Variants in BCL11B observed in about 807,000 individuals in gnomAD.
The protein encoded by BCL11B is BCL11 transcription factor B.
A neutral mutation model predicts 49.9 loss-of-function variants in BCL11B; 8 were observed. That is an observed-to-expected ratio of 0.16 (90% CI 0.09 to 0.29). The LOEUF is 0.29. Among genes scored for constraint, BCL11B ranks in the 10% least tolerant of loss-of-function variants. The pLI is 1.00. For synonymous variants in BCL11B, 739 were observed against 637.4 expected (o/e 1.16, Z -2.40); for missense variants, 1,006 against 1,351.0 (o/e 0.74, Z 4.00).
At chr14:99,178,212 C>G (rs910291647) in intron 3 of BCL11B, among the ~76,000 whole-genome samples, 1 of 152,190 alleles carries the variant, frequency 6.6e-6, no homozygotes, top group Non-Finnish European at 1.5e-5. Context: ...CTCTCCTATT[C>G]TGTGTGTTTG....
chr14:99,270,430 T>G (rs1279122327), intron 1 of BCL11B, among the ~76,000 whole-genome samples: 22 of 82,712 alleles, frequency 2.7e-4, no homozygotes, highest in East Asian at 1.1e-3. Flanking sequence ...TTTTTTGAAG[T>G]GGGGGAAAGA....
At chr14:99,244,707 C>T (rs1888773951) in intron 2 of BCL11B, among the ~76,000 whole-genome samples, 1 of 152,190 alleles carries the variant, frequency 6.6e-6, no homozygotes, top group Admixed American at 6.5e-5. Flanking sequence ...AATAAATTGA[C>T]AAATGCCTTC....
intron 3 of BCL11B, among the ~76,000 whole-genome samples, chr14:99,188,830 G>C (rs1341280083): frequency 6.6e-6 from 1 of 152,252 alleles, no homozygotes; most frequent in Non-Finnish European, 1.5e-5. Flanking sequence ...CTGGAGCCCA[G>C]GTGCCCGCCT....
chr14:99,193,165 G>A (rs540416976), intron 3 of BCL11B, among the ~76,000 whole-genome samples: 1 of 152,158 alleles, frequency 6.6e-6, no homozygotes, highest in Admixed American at 6.5e-5. Context: ...ATCAAGAAAC[G>A]TAGTGATTTC....
rs142708658 is a variant in BCL11B at position 99,174,265 on chromosome 14, G to A, written c.2571C>T (p.Asp857=). 5 of 1,613,700 alleles carry A rather than the reference G, an allele frequency of 3.1e-6. No individual in the cohort carries two copies. In the African/African-American group the frequency reaches 6.7e-5, roughly 22 times the overall value. ...AGACGCTGAAGGGCATCTGGCAGATGTCGCAGCGGTACACCTCCTTGCCGA... is the reference window on the plus strand; with the variant it reads ...AGACGCTGAAGGGCATCTGGCAGATATCGCAGCGGTACACCTCCTTGCCGA... The part of the protein sequence containing the change: ...GQIGKEVYRC[D]ICQMPFSVYS... Residue 857 remains aspartate, a synonymous_variant, in exon 4 of 4, where the codon GAC becomes GAT. Coordinates refer to ENST00000357195, the MANE Select transcript of BCL11B (RefSeq NM_138576.4).
At chr14:99,178,974 A>G (rs1333067875) in intron 3 of BCL11B, among the ~76,000 whole-genome samples, 2 of 152,050 alleles carry the variant, frequency 1.3e-5, no homozygotes, top group African/African-American at 2.4e-5. Context: ...GTGGCCACAG[A>G]TTTTCTAGAA....
At chr14:99,217,906 C>T (rs1166888479) in intron 3 of BCL11B, among the ~76,000 whole-genome samples, 1 of 152,158 alleles carries the variant, frequency 6.6e-6, no homozygotes, top group Non-Finnish European at 1.5e-5. Context: ...TGCACCATGT[C>T]TTAAAAGATG....
intron 3 of BCL11B, among the ~76,000 whole-genome samples, chr14:99,221,907 C>T (rs374806975): frequency 6.6e-6 from 1 of 152,166 alleles, no homozygotes; most frequent in African/African-American, 2.4e-5. Context: ...GTATGACCAG[C>T]GTATGAAGGA....
chr14:99,263,574 TG>T (rs892859285), intron 1 of BCL11B, among the ~76,000 whole-genome samples: 22 of 152,332 alleles, frequency 1.4e-4, no homozygotes, highest in African/African-American at 5.1e-4. Context: ...GTCGAATGTT[TG>T]GGGAGGGTCT....
chr14:99,207,419 G>A (rs1887563676), intron 3 of BCL11B, among the ~76,000 whole-genome samples: 1 of 152,052 alleles, frequency 6.6e-6, no homozygotes, highest in Admixed American at 6.5e-5. Context: ...TGAGACCTTG[G>A]GACCAGAAAA....
At chr14:99,265,609 C>T (rs552907431) in intron 1 of BCL11B, among the ~76,000 whole-genome samples, 15 of 152,338 alleles carry the variant, frequency 9.8e-5, no homozygotes, top group Non-Finnish European at 2.2e-4. Context: ...AGCTCAGAGA[C>T]CACCGTCCGG....
In BCL11B at chr14:99,184,921, A is replaced by C. The variant is rs2139781915; in HGVS notation, c.641-8726T>G. On this transcript the variant is annotated intron_variant, in intron 3 of 3. Transcript: ENST00000357195. The surrounding 1 kb of genome is among the most constrained non-coding windows in gnomAD (Gnocchi z 6.1). ...GGACTTAATTCAGGCTTTGAGAAAA[A>C]CCTTAGGAAGCTGGGCCTACACCCC... is the stretch of plus-strand genomic sequence containing the variant. 6.6e-6 allele frequency among the ~76,000 whole-genome samples: 1 copy of C among 152,184 alleles called. No homozygotes were observed. The highest frequency in any genetic ancestry group is 1.9e-4 in the East Asian group (1 of 5,162).
At position 99,225,057 on chromosome 14, in the gene BCL11B, G is replaced by T. The variant is rs117492526; in HGVS notation, c.640+6288C>A. Among the ~76,000 whole-genome samples, 917 of 152,244 alleles carry T rather than the reference G, an allele frequency of 6.0e-3. 9 individuals are homozygous for T. Among genetic ancestry groups the T allele is most frequent in the South Asian group, 0.025 (122 of 4,834 alleles). The stretch of plus-strand genomic sequence containing the variant: ...CAACGTGGGGCTCCTCAACATCAGA[G>T]CTCTACCTGCTACCAATCTCATTGC... On this transcript the variant is annotated intron_variant, in intron 3 of 3. Coordinates refer to ENST00000357195, the MANE Select transcript of BCL11B (RefSeq NM_138576.4).
chr14:99,217,697 C>T (rs1887893871), intron 3 of BCL11B, among the ~76,000 whole-genome samples: 1 of 152,174 alleles, frequency 6.6e-6, no homozygotes, highest in South Asian at 2.1e-4. Flanking sequence ...CCCCAGGCTC[C>T]AGCACCTACA....
At chr14:99,233,743 C>T (rs4082793) in intron 2 of BCL11B, among the ~76,000 whole-genome samples, 45,787 of 152,074 alleles carry the variant, frequency 0.3, 8,371 homozygotes, top group Non-Finnish European at 0.42. Context: ...TCTGTAAAGG[C>T]GATGTCACAC....
intron 2 of BCL11B, among the ~76,000 whole-genome samples, chr14:99,234,605 G>C (rs1180179104): frequency 4.6e-5 from 7 of 152,136 alleles, no homozygotes; most frequent in African/African-American, 1.7e-4. Flanking sequence ...CAGAGCCTCA[G>C]CTCCCTCAAC....
intron 3 of BCL11B, among the ~76,000 whole-genome samples, chr14:99,201,142 T>C (rs1186646527): frequency 1.3e-5 from 2 of 152,192 alleles, no homozygotes; most frequent in Non-Finnish European, 2.9e-5. Flanking sequence ...AAGTGGGCAG[T>C]AGCCCGTGCA....
chr14:99,222,500 G>A (rs1027440571), intron 3 of BCL11B, among the ~76,000 whole-genome samples: 8 of 152,146 alleles, frequency 5.3e-5, no homozygotes, highest in Non-Finnish European at 8.8e-5. Flanking sequence ...GGCTGGCGTG[G>A]GACCACATGC....
At position 99,174,990 on chromosome 14, in the gene BCL11B, C is replaced by T. The variant is rs1302496331; in HGVS notation, c.1846G>A (p.Asp616Asn). 2.5e-6 allele frequency: 4 copies of T among 1,577,914 alleles called. No homozygotes were observed. Among genetic ancestry groups the T allele is most frequent in the African/African-American group, 2.8e-5 (2 of 72,316 alleles). ...ALPQYGELLA[D>N]KQKRGAFLKR... is the part of the protein sequence containing the mutation. ...AGGAAGGCGCCGCGCTTCTGCTTGT[C>T]GGCCAGGAGCTCGCCGTACTGCGGC... The change falls in exon 4 of 4, where the codon GAC (aspartate) becomes AAC (asparagine). Residue 616 changes from aspartate to asparagine, a missense_variant. Coordinates refer to ENST00000357195, the MANE Select transcript of BCL11B (RefSeq NM_138576.4).
Sources: allele counts gnomAD v4.1 joint callset (sites outside exome capture counted in the v4.1 genomes callset), GRCh38; gene constraint gnomAD v4.1.1; non-coding constraint Gnocchi (gnomAD v3.1); transcripts MANE v1.5; gene names NCBI Gene and HGNC (gene_info 2026-07-23, HGNC 2026-07-21).